The following RSU1 variants were observed in gnomAD, a reference collection of about 807,000 sequenced individuals.
The protein encoded by RSU1 is rsu-1.
RSU1 carries 26 observed loss-of-function variants against 31.1 expected under a neutral mutation model. The observed-to-expected ratio is 0.84, with a 90% CI of 0.61 to 1.16. The LOEUF is 1.16. Among genes scored for constraint, RSU1 ranks in the 50% most tolerant of loss-of-function variants. The pLI is 0.00. For synonymous variants in RSU1, 164 were observed against 136.3 expected (o/e 1.20, Z -1.41); for missense variants, 320 against 339.1 (o/e 0.94, Z 0.44).
At chr10:16,785,461 T>TATATATACACATATATAC (rs1564357317) in intron 2 of RSU1, among the ~76,000 whole-genome samples, 8 of 91,784 alleles carry the variant, frequency 8.7e-5, no homozygotes, top group African/African-American at 3.7e-4. Flanking sequence ...CATATATACA[T>TATATATACACATATATAC]ATATATATAC....
intron 2 of RSU1, among the ~76,000 whole-genome samples, chr10:16,809,179 C>T (rs188775087): frequency 1.7e-4 from 26 of 152,278 alleles, no homozygotes; most frequent in Admixed American, 4.6e-4. Context: ...AAGCATCACA[C>T]GCTGATGGAA....
intron 4 of RSU1, among the ~76,000 whole-genome samples, chr10:16,762,596 C>T (rs559039429): frequency 6.6e-6 from 1 of 151,886 alleles, no homozygotes; most frequent in South Asian, 2.1e-4. Context: ...AGAATAAAGG[C>T]TGCCCATGGA....
chr10:16,813,456 T>A (rs7074647), intron 2 of RSU1, among the ~76,000 whole-genome samples: 10 of 152,040 alleles, frequency 6.6e-5, no homozygotes, highest in Non-Finnish European at 1.5e-4. Flanking sequence ...GACATATGGG[T>A]CTATAGCTGG....
chr10:16,793,755 C>T (rs1837974355), intron 2 of RSU1, among the ~76,000 whole-genome samples: 1 of 151,882 alleles, frequency 6.6e-6, no homozygotes, highest in African/African-American at 2.4e-5. Context: ...AGCTGCTGCC[C>T]TCAATGAGCT....
intron 4 of RSU1, among the ~76,000 whole-genome samples, chr10:16,763,374 G>A (rs1837246923): frequency 6.6e-6 from 1 of 152,172 alleles, no homozygotes; most frequent in Non-Finnish European, 1.5e-5. Flanking sequence ...CATGGTGGAA[G>A]GCAATGCAGG....
intron 8 of RSU1, among the ~76,000 whole-genome samples, chr10:16,688,921 T>C (rs1019933971): frequency 2.6e-4 from 40 of 151,952 alleles, no homozygotes; most frequent in African/African-American, 9.4e-4. Context: ...GGCAGGGGGA[T>C]TGCTTGAGCC....
chr10:16,722,438 G>A (rs992634278), intron 7 of RSU1, among the ~76,000 whole-genome samples: 10 of 152,118 alleles, frequency 6.6e-5, no homozygotes, highest in Admixed American at 2.0e-4. Flanking sequence ...TGGTGTCATC[G>A]ACCTAAGCAC....
chr10:16,629,068 G>C (rs1215102542), intron 8 of RSU1, among the ~76,000 whole-genome samples: 2 of 152,128 alleles, frequency 1.3e-5, no homozygotes, highest in African/African-American at 4.8e-5. Flanking sequence ...GTGAAACTCA[G>C]GCTGTGTTCC....
At chr10:16,731,733 T>C (rs563185776) in intron 7 of RSU1, among the ~76,000 whole-genome samples, 23 of 152,352 alleles carry the variant, frequency 1.5e-4, no homozygotes, top group Middle Eastern at 6.8e-3. Context: ...CTGCATTTCA[T>C]TGACTGCTAC....
intron 7 of RSU1, among the ~76,000 whole-genome samples, chr10:16,707,516 A>C (rs1229271241): frequency 6.8e-6 from 1 of 148,144 alleles, no homozygotes; most frequent in East Asian, 2.0e-4. Context: ...GGCCATCTGT[A>C]TGTCTGCTTT....
intron 4 of RSU1, among the ~76,000 whole-genome samples, chr10:16,760,470 T>C (rs998577700): frequency 4.0e-5 from 6 of 150,194 alleles, no homozygotes; most frequent in Admixed American, 6.6e-5. Context: ...GATCATGCCA[T>C]TGCACTGGAG....
At chr10:16,600,842 G>A (rs1455047991) in intron 8 of RSU1, among the ~76,000 whole-genome samples, 6 of 152,150 alleles carry the variant, frequency 3.9e-5, no homozygotes, top group Non-Finnish European at 5.9e-5. Flanking sequence ...GATCACAGGT[G>A]TAACCCACAG....
intron 7 of RSU1, among the ~76,000 whole-genome samples, chr10:16,698,965 C>G (rs1243733539): frequency 1.3e-5 from 2 of 152,088 alleles, no homozygotes; most frequent in Non-Finnish European, 2.9e-5. Context: ...CCAAGTGCTT[C>G]CTAAAGCTAC....
chr10:16,612,954 C>G (rs183441875), intron 8 of RSU1, among the ~76,000 whole-genome samples: 1 of 151,984 alleles, frequency 6.6e-6, no homozygotes, highest in East Asian at 1.9e-4. Context: ...TTATCTTCCA[C>G]TCAGTTCACA....
At chr10:16,776,247 C>T (rs933900253) in intron 3 of RSU1, among the ~76,000 whole-genome samples, 2 of 152,144 alleles carry the variant, frequency 1.3e-5, no homozygotes, top group Admixed American at 6.5e-5. Context: ...ATTGGATCTA[C>T]AAATTTTAAG....
At position 16,731,112 on chromosome 10, in the gene RSU1, C is replaced by A. The variant is rs542312893; in HGVS notation, c.598+21427G>T. Among the ~76,000 whole-genome samples, 5 of 152,228 alleles carry A rather than the reference C, an allele frequency of 3.3e-5. No homozygotes were observed. In the South Asian group the frequency reaches 8.3e-4, roughly 25 times the overall value. The stretch of plus-strand genomic sequence containing the variant: ...TACAGACGTGAGCCATGGCACCCGG[C>A]CTTGTAAATGCAATCTTATAATGTG... On this transcript the variant is annotated intron_variant, in intron 7 of 8. Coordinates refer to ENST00000345264, the MANE Select transcript of RSU1 (RefSeq NM_012425.4).
chr10:16,721,272 G>GTC (rs1346860343), intron 7 of RSU1: 1 of 152,344 alleles, frequency 6.6e-6, no homozygotes, highest in African/African-American at 2.4e-5. Context: ...ATACAGCAGA[G>GTC]TCTCCAATAT....
At chr10:16,621,921 A>C (rs986435082) in intron 8 of RSU1, among the ~76,000 whole-genome samples, 2 of 152,236 alleles carry the variant, frequency 1.3e-5, no homozygotes, top group Non-Finnish European at 2.9e-5. Flanking sequence ...TTCATTTAGA[A>C]TACTGCTATA....
intron 8 of RSU1, among the ~76,000 whole-genome samples, chr10:16,616,190 C>T (rs1300947644): frequency 6.6e-6 from 1 of 151,980 alleles, no homozygotes; most frequent in Non-Finnish European, 1.5e-5. Flanking sequence ...CCTGATCCCA[C>T]AGAAATACAA....
Sources: gnomAD v4.1 joint callset for allele counts (sites outside exome capture counted in the v4.1 genomes callset) on GRCh38, gnomAD v4.1.1 for gene constraint, MANE v1.5 for transcripts, NCBI Gene and HGNC (gene_info 2026-07-23, HGNC 2026-07-21) for gene names.